Variants in CSMD1 observed in about 807,000 individuals in gnomAD.
The protein encoded by CSMD1 is CUB and Sushi multiple domains 1.
A neutral mutation model predicts 417.5 loss-of-function variants in CSMD1; 213 were observed. That is an observed-to-expected ratio of 0.51 (90% CI 0.46 to 0.57). The LOEUF (loss-of-function observed/expected upper bound fraction) is 0.57. CSMD1 is among the 20% of genes least tolerant of loss of function. CSMD1 has a pLI of 0.00. For synonymous variants in CSMD1, 2,862 were observed against 1,736.8 expected (o/e 1.65, Z -16.11); for missense variants, 6,923 against 4,529.7 (o/e 1.53, Z -15.17).
At chr8:4,200,310 T>C (rs566867707) in intron 3 of CSMD1, among the ~76,000 whole-genome samples, 10 of 152,244 alleles carry the variant, frequency 6.6e-5, no homozygotes, top group African/African-American at 2.4e-4. Flanking sequence ...ATGCTTAGAG[T>C]GTCACTTAGA....
intron 1 of CSMD1, among the ~76,000 whole-genome samples, chr8:4,689,020 A>G (rs1235973255): frequency 2.6e-5 from 4 of 152,244 alleles, no homozygotes; most frequent in Admixed American, 1.3e-4. Context: ...GTCTGTTCAT[A>G]TGAATACAAT....
chr8:4,083,949 C>G (rs182106621), intron 3 of CSMD1, among the ~76,000 whole-genome samples: 3 of 152,194 alleles, frequency 2.0e-5, no homozygotes, highest in East Asian at 1.9e-4. Flanking sequence ...TCACATCTGA[C>G]AAAGGGCTAA....
intron 7 of CSMD1, among the ~76,000 whole-genome samples, chr8:3,640,904 A>G (rs191656113): frequency 6.6e-6 from 1 of 151,956 alleles, no homozygotes; most frequent in African/African-American, 2.4e-5. Context: ...GGCATTAATC[A>G]TGGTTTGCCA....
chr8:4,796,875 C>A (rs2117262038), intron 1 of CSMD1, among the ~76,000 whole-genome samples: 1 of 152,184 alleles, frequency 6.6e-6, no homozygotes, highest in East Asian at 1.9e-4. Flanking sequence ...GCAAGCCGCA[C>A]ATATGCACAC....
At chr8:3,434,341 C>T (rs1563384856) in intron 12 of CSMD1, among the ~76,000 whole-genome samples, 2 of 152,038 alleles carry the variant, frequency 1.3e-5, no homozygotes, top group Non-Finnish European at 2.9e-5. Flanking sequence ...TATGTAATAC[C>T]AAAATTAAAG....
At chr8:4,675,193 C>A (rs943859438) in intron 1 of CSMD1, among the ~76,000 whole-genome samples, 4 of 152,180 alleles carry the variant, frequency 2.6e-5, no homozygotes, top group Admixed American at 2.6e-4. Flanking sequence ...TAGAACCTAA[C>A]CTGTTCTAGT....
intron 3 of CSMD1, among the ~76,000 whole-genome samples, chr8:4,143,034 C>G (rs1289615530): frequency 6.7e-6 from 1 of 150,248 alleles, no homozygotes; most frequent in South Asian, 2.1e-4. Context: ...GTGTCCAATT[C>G]CAACCCAATC....
chr8:3,539,332 C>T (rs1216945099), intron 10 of CSMD1, among the ~76,000 whole-genome samples: 1 of 152,212 alleles, frequency 6.6e-6, no homozygotes, highest in Non-Finnish European at 1.5e-5. Flanking sequence ...CCAGCTCTTT[C>T]TCTACTCCTG....
chr8:3,029,854 T>C (rs1251921390), intron 50 of CSMD1, among the ~76,000 whole-genome samples: 5 of 152,074 alleles, frequency 3.3e-5, no homozygotes, highest in African/African-American at 1.2e-4. Context: ...AAATCTTACA[T>C]ATAATTTCCC....
At chr8:3,969,814 C>A (rs945980066) in intron 5 of CSMD1, among the ~76,000 whole-genome samples, 1 of 152,068 alleles carries the variant, frequency 6.6e-6, no homozygotes, top group East Asian at 1.9e-4. Context: ...AAGAGAAAGA[C>A]GGGGAGATTT....
At chr8:3,644,730 G>A (rs928020041) in intron 7 of CSMD1, among the ~76,000 whole-genome samples, 3 of 151,998 alleles carry the variant, frequency 2.0e-5, no homozygotes, top group Non-Finnish European at 4.4e-5. Flanking sequence ...GGCCTGTCAG[G>A]GGGGTGCAGT....
chr8:3,676,320 T>C (rs1039489827), intron 7 of CSMD1, among the ~76,000 whole-genome samples: 6 of 152,154 alleles, frequency 3.9e-5, no homozygotes, highest in East Asian at 1.9e-4. Flanking sequence ...TGTATTCTTT[T>C]CTGAAGAGCA....
intron 5 of CSMD1, among the ~76,000 whole-genome samples, chr8:3,891,247 C>T (rs996227010): frequency 6.6e-6 from 1 of 151,992 alleles, no homozygotes; most frequent in Non-Finnish European, 1.5e-5. Context: ...TGGGTTTTTG[C>T]CATGTTTCCC....
chr8:3,049,203 C>A (rs11985965), intron 50 of CSMD1, among the ~76,000 whole-genome samples: 45,329 of 151,942 alleles, frequency 0.3, 6,940 homozygotes, highest in East Asian at 0.36. Context: ...AATACTCTTA[C>A]CATTCACTCT....
intron 17 of CSMD1, among the ~76,000 whole-genome samples, chr8:3,390,981 T>G (rs1811311594): frequency 6.6e-6 from 1 of 152,204 alleles, no homozygotes. Flanking sequence ...CCATGTTACA[T>G]TATTTACTGA....
chr8:4,906,012 C>T (rs933354331), intron 1 of CSMD1, among the ~76,000 whole-genome samples: 7 of 151,926 alleles, frequency 4.6e-5, no homozygotes, highest in Admixed American at 1.3e-4. Flanking sequence ...AAGTCTGATC[C>T]GATAAATTAA....
At chr8:4,337,144 C>T (rs895911012) in intron 3 of CSMD1, among the ~76,000 whole-genome samples, 4 of 152,106 alleles carry the variant, frequency 2.6e-5, no homozygotes, top group Admixed American at 6.6e-5. Flanking sequence ...CTTCTGCCCC[C>T]ACCTTCATTA....
intron 1 of CSMD1, among the ~76,000 whole-genome samples, chr8:4,906,499 C>A (rs1176477309): frequency 1.2e-4 from 6 of 51,478 alleles, no homozygotes; most frequent in Admixed American, 6.9e-4. Flanking sequence ...TGATTTCACA[C>A]ACTTTGTTTT....
chr8:4,747,163 G>A (rs938492354), intron 1 of CSMD1, among the ~76,000 whole-genome samples: 1 of 152,200 alleles, frequency 6.6e-6, no homozygotes, highest in Non-Finnish European at 1.5e-5. Context: ...TTTACTTATA[G>A]GGGGAGAGGA....
Sources: gnomAD v4.1 joint callset for allele counts (sites outside exome capture counted in the v4.1 genomes callset) on GRCh38, gnomAD v4.1.1 for gene constraint, MANE v1.5 for transcripts, NCBI Gene and HGNC (gene_info 2026-07-23, HGNC 2026-07-21) for gene names.